KCNH7: variants seen among roughly 807,000 people sequenced by gnomAD.
The protein encoded by KCNH7 is voltage-gated inwardly rectifying potassium channel KCNH7.
In KCNH7, 49 loss-of-function variants were observed where a neutral mutation model predicts 120.8. That is an observed-to-expected ratio of 0.41 (90% confidence interval 0.32 to 0.51). The LOEUF is 0.51. Ranked by LOEUF, KCNH7 falls within the 20% of genes least tolerant of loss-of-function variation. The pLI is 0.38. For missense variants in KCNH7, 1,097 were observed against 1,446.6 expected, an observed-to-expected ratio of 0.76 and a Z score of 3.92; for synonymous variants, 547 against 516.1, an observed-to-expected ratio of 1.06 and a Z score of -0.81.
Position 162,518,082 on chromosome 2 carries a change from G to A in KCNH7, c.540C>T (p.Pro180=), listed in dbSNP as rs761831954. Residue 180 remains proline (P), a synonymous_variant, in exon 4 of 16, where the codon CCC becomes CCT. Transcript: ENST00000332142. The part of the protein sequence containing the change: ...YRKQSLPQED[P]DVVVIDSSKH... The stretch of plus-strand genomic sequence containing the variant: ...TAGATGAATCGATGACCACCACATC[G>A]GGGTCTTCTTGTGGTAAGGACTGCT... 1.4e-5 allele frequency: 23 copies of A among 1,612,134 alleles called. No homozygotes were observed. The highest frequency in any genetic ancestry group is 2.2e-5 in the South Asian group (2 of 91,038).
chr2:162,823,427 T>C (rs973290033), intron 2 of KCNH7, among the ~76,000 whole-genome samples: 8 of 152,140 alleles, frequency 5.3e-5, no homozygotes, highest in African/African-American at 1.9e-4. Context: ...TGTTCATGAA[T>C]GTAAAATAAA....
chr2:162,775,339 T>A (rs922944573), intron 2 of KCNH7, among the ~76,000 whole-genome samples: 2 of 152,202 alleles, frequency 1.3e-5, no homozygotes, highest in Non-Finnish European at 2.9e-5. Context: ...TACACTGCCA[T>A]TGTGACTTGT....
At chr2:162,591,630 G>C (rs1028406352) in intron 2 of KCNH7, among the ~76,000 whole-genome samples, 18 of 151,972 alleles carry the variant, frequency 1.2e-4, no homozygotes, top group African/African-American at 4.3e-4. Flanking sequence ...TGAGTCATGG[G>C]GTGACATAGG....
intron 3 of KCNH7, among the ~76,000 whole-genome samples, chr2:162,532,425 A>G (rs1179779152): frequency 6.6e-6 from 1 of 151,902 alleles, no homozygotes; most frequent in Non-Finnish European, 1.5e-5. Context: ...CCCAGATACC[A>G]GAGTCACTTA....
intron 2 of KCNH7, among the ~76,000 whole-genome samples, chr2:162,770,986 C>T (rs2105471752): frequency 6.6e-6 from 1 of 152,176 alleles, no homozygotes; most frequent in Non-Finnish European, 1.5e-5. Context: ...TTCTTCCTAT[C>T]CAGGTGATGG....
chr2:162,777,095 C>T (rs1385020633), intron 2 of KCNH7, among the ~76,000 whole-genome samples: 1 of 152,062 alleles, frequency 6.6e-6, no homozygotes, highest in Admixed American at 6.5e-5. Flanking sequence ...TTCCAAAATT[C>T]CTAAAGGGTT....
In KCNH7 at chr2:162,561,424, G is replaced by T. The variant is rs1451621301; in HGVS notation, c.308-24344C>A. Among the ~76,000 whole-genome samples the T allele has an allele frequency of 3.3e-5, 5 of 152,172 alleles. No individual in the cohort carries two copies. The East Asian group carries it at 7.7e-4, about 24-fold the overall frequency. On this transcript the variant is annotated intron_variant, in intron 2 of 15. Transcript: ENST00000332142. ...TATATACCCAGGAATGGGATTGCTG[G>T]GTCAAATGGTATTTCTAGTTCTAGA...
At chr2:162,760,331 A>G (rs1688926605) in intron 2 of KCNH7, among the ~76,000 whole-genome samples, 1 of 152,162 alleles carries the variant, frequency 6.6e-6, no homozygotes, top group Non-Finnish European at 1.5e-5. Context: ...CATCATTCAG[A>G]AAATATTTTA....
rs1687661827 is a variant in KCNH7, at chr2:162,729,854, T to A, written c.307+106683A>T. Among the ~76,000 whole-genome samples, 6 of 152,266 alleles carry A rather than the reference T, an allele frequency of 3.9e-5. 1 individual carries two copies. The South Asian group carries it at 1.2e-3, about 32-fold the overall frequency. On this transcript the variant is annotated intron_variant, in intron 2 of 15. Transcript: ENST00000332142. ...CTGTTCTATTGGTTGGTTTTCATGC[T>A]GGGTGTGTGTTGAATTATTTTGTGA...
At chr2:162,747,001 A>C (rs966465670) in intron 2 of KCNH7, among the ~76,000 whole-genome samples, 4 of 152,170 alleles carry the variant, frequency 2.6e-5, no homozygotes, top group African/African-American at 9.6e-5. Flanking sequence ...AAAGGAGTCA[A>C]AGTAGCAAAG....
At chr2:162,755,362 C>T (rs892113186) in intron 2 of KCNH7, among the ~76,000 whole-genome samples, 6 of 152,046 alleles carry the variant, frequency 3.9e-5, no homozygotes, top group African/African-American at 1.2e-4. Context: ...ATCCTAGCTA[C>T]TTGGGAGGCT....
Position 162,496,335 on chromosome 2 carries a change from T to G in KCNH7, c.1128+8108A>C, listed in dbSNP as rs867650046. On this transcript the variant is annotated intron_variant, in intron 6 of 15. Coordinates refer to ENST00000332142, the MANE Select transcript of KCNH7 (RefSeq NM_033272.4). Reference sequence around the variant, plus strand: ...ACAAGTGCTGACACCAGATGTTTTGTGCAGATAAGAGAACTTACACAGTTC... The same window carrying G: ...ACAAGTGCTGACACCAGATGTTTTGGGCAGATAAGAGAACTTACACAGTTC... Among the ~76,000 whole-genome samples, 6 of 152,126 alleles carry G rather than the reference T, an allele frequency of 3.9e-5. No homozygotes were observed. In the South Asian group the frequency reaches 1.2e-3, roughly 32 times the overall value.
intron 2 of KCNH7, chr2:162,796,979 G>A (rs1032314027): frequency 6.6e-6 from 1 of 152,000 alleles, no homozygotes; most frequent in East Asian, 1.9e-4. Context: ...TCTGAAATAA[G>A]TGTCACAAGG....
intron 2 of KCNH7, among the ~76,000 whole-genome samples, chr2:162,752,902 GAA>G (rs140501872): frequency 1.6e-5 from 1 of 61,218 alleles, no homozygotes; most frequent in East Asian, 8.5e-4. Context: ...CTACATCTCA[GAA>G]AAAGAAAAGA....
chr2:162,726,031 A>G (rs1415532406), intron 2 of KCNH7, among the ~76,000 whole-genome samples: 1 of 152,182 alleles, frequency 6.6e-6, no homozygotes, highest in African/African-American at 2.4e-5. Context: ...AATTTCTCTG[A>G]TTTTTAAAAA....
At chr2:162,420,833 G>C (rs769038286) in intron 9 of KCNH7, among the ~76,000 whole-genome samples, 2 of 152,096 alleles carry the variant, frequency 1.3e-5, no homozygotes, top group Non-Finnish European at 2.9e-5. Flanking sequence ...GCTTTTATGT[G>C]TGACGATACA....
At chr2:162,717,061 G>A (rs1333265967) in intron 2 of KCNH7, among the ~76,000 whole-genome samples, 1 of 152,088 alleles carries the variant, frequency 6.6e-6, no homozygotes, top group Non-Finnish European at 1.5e-5. Context: ...CTGTTGCAGA[G>A]AGGGTTGAAA....
At chr2:162,502,528 A>G (rs757750086) in intron 6 of KCNH7, among the ~76,000 whole-genome samples, 2 of 152,062 alleles carry the variant, frequency 1.3e-5, no homozygotes, top group Non-Finnish European at 2.9e-5. Context: ...GAAATAAAAC[A>G]CAATCCCGTT....
chr2:162,434,387 A>G (rs1688171041), intron 8 of KCNH7, among the ~76,000 whole-genome samples: 1 of 152,112 alleles, frequency 6.6e-6, no homozygotes, highest in African/African-American at 2.4e-5. Context: ...CTAAAATAAA[A>G]GTTGAAATTA....
Sources: gnomAD v4.1 joint callset for allele counts (sites outside exome capture counted in the v4.1 genomes callset) on GRCh38, gnomAD v4.1.1 for gene constraint, MANE v1.5 for transcripts, NCBI Gene and HGNC (gene_info 2026-07-23, HGNC 2026-07-21) for gene names.